Variants in GDPD4 observed in about 807,000 individuals in gnomAD.
GDPD4 encodes the protein glycerophosphodiester phosphodiesterase domain containing 4.
GDPD4 carries 60 observed loss-of-function variants against 67.8 expected under a neutral mutation model. The observed-to-expected ratio is 0.88, with a 90% confidence interval of 0.72 to 1.10. The LOEUF (loss-of-function observed/expected upper bound fraction) is 1.10. GDPD4 is among the 50% of genes least tolerant of loss of function. The pLI, the probability that GDPD4 is intolerant of heterozygous loss-of-function variation, is 0.00. For missense variants in GDPD4, 623 were observed against 613.9 expected, an observed-to-expected ratio of 1.01 and a Z score of -0.16; for synonymous variants, 212 against 210.9, an observed-to-expected ratio of 1.00 and a Z score of -0.04.
intron 16 of GDPD4, among the ~76,000 whole-genome samples, chr11:77,221,532 T>C (rs1958223946): frequency 6.6e-6 from 1 of 152,182 alleles, no homozygotes; most frequent in Non-Finnish European, 1.5e-5. Flanking sequence ...TTCCATGTAG[T>C]TGAGAGGTTT....
intron 13 of GDPD4, among the ~76,000 whole-genome samples, chr11:77,235,260 T>C (rs1359267705): frequency 2.0e-5 from 3 of 152,074 alleles, no homozygotes; most frequent in Non-Finnish European, 4.4e-5. Context: ...GTAGTAAAGA[T>C]GTCAGTTCTC....
intron 5 of GDPD4, among the ~76,000 whole-genome samples, chr11:77,274,683 G>T (rs1454658457): frequency 6.6e-6 from 1 of 152,106 alleles, no homozygotes. Flanking sequence ...CCAATCTCAG[G>T]TATTCCTTTA....
At chr11:77,240,250 A>G (rs569278982) in intron 13 of GDPD4, among the ~76,000 whole-genome samples, 37 of 152,330 alleles carry the variant, frequency 2.4e-4, no homozygotes, top group African/African-American at 7.9e-4. Context: ...CATTATAAAG[A>G]TGTGATAATC....
chr11:77,281,977 A>AT (rs1591574740), intron 3 of GDPD4, among the ~76,000 whole-genome samples: 3 of 152,302 alleles, frequency 2.0e-5, no homozygotes, highest in Non-Finnish European at 2.9e-5. Context: ...ATGAAGAGCA[A>AT]TAAAAAAAAG....
At chr11:77,219,777 T>C (rs577454984) in intron 16 of GDPD4, among the ~76,000 whole-genome samples, 5 of 152,346 alleles carry the variant, frequency 3.3e-5, no homozygotes, top group Admixed American at 6.5e-5. Context: ...TTTTGGTTAC[T>C]GTAGCCTTGT....
intron 5 of GDPD4, among the ~76,000 whole-genome samples, chr11:77,275,942 TGGGTTCAGCTC>T (rs1205359873): frequency 2.0e-5 from 3 of 152,196 alleles, no homozygotes; most frequent in African/African-American, 4.8e-5. Context: ...AATAAGAGTT[TGGGTTCAGCTC>T]GGGTTCAGCT....
At chr11:77,232,381 T>TATTGAAAAAAAAAAA (rs1958471342) in intron 14 of GDPD4, among the ~76,000 whole-genome samples, 1 of 152,206 alleles carries the variant, frequency 6.6e-6, no homozygotes, top group South Asian at 2.1e-4. Flanking sequence ...TCTGTACAGA[T>TATTGAAAAAAAAAAA]AAGAACAAGT....
chr11:77,231,411 A>G (rs1958451932), intron 14 of GDPD4, among the ~76,000 whole-genome samples: 1 of 152,170 alleles, frequency 6.6e-6, no homozygotes, highest in Non-Finnish European at 1.5e-5. Flanking sequence ...CTAAATCTCA[A>G]TCAGTCTAAC....
intron 13 of GDPD4, among the ~76,000 whole-genome samples, chr11:77,236,423 A>C (rs1591536084): frequency 1.3e-5 from 2 of 152,074 alleles, no homozygotes; most frequent in Admixed American, 1.3e-4. Context: ...TACTGGACCT[A>C]ACATTCCAAT....
At chr11:77,291,474 AG>A (rs1251602661) in intron 1 of GDPD4, among the ~76,000 whole-genome samples, 1 of 152,232 alleles carries the variant, frequency 6.6e-6, no homozygotes, top group Non-Finnish European at 1.5e-5. Context: ...GGGTGACTAC[AG>A]GTAACAATAT....
intron 13 of GDPD4, among the ~76,000 whole-genome samples, chr11:77,241,579 A>G (rs1591539547): frequency 7.0e-6 from 1 of 143,642 alleles, no homozygotes. Flanking sequence ...TAGAGGCTGC[A>G]GTGAGCCAAG....
At chr11:77,291,286 T>C (rs1937767931) in intron 1 of GDPD4, among the ~76,000 whole-genome samples, 1 of 152,180 alleles carries the variant, frequency 6.6e-6, no homozygotes, top group Admixed American at 6.5e-5. Context: ...ACAAATATTG[T>C]GTGTTCTCAC....
At chr11:77,280,630 T>C in intron 3 of GDPD4, among the ~76,000 whole-genome samples, 1 of 152,220 alleles carries the variant, frequency 6.6e-6, no homozygotes, top group Admixed American at 6.5e-5. Context: ...CCTAAAAGGT[T>C]TTCTTTTGGA....
At position 77,269,068 on chromosome 11, in the gene GDPD4, A is replaced by C. The variant is rs751686264; in HGVS notation, c.480T>G (p.Gly160=). The C allele has an allele frequency of 3.1e-6, 5 of 1,611,958 alleles. No homozygotes were observed. The African/African-American group carries it at 6.7e-5, about 22-fold the overall frequency. ...KQCNVITRLR[G]LQVPVGLPFL... is the part of the protein sequence containing the mutation. ...AGGGTAATCCAACAGGCACTTGTAG[A>C]CCTGAAAAATTTGAAAGGAAGGGGA... Residue 160 remains glycine (G), a splice_region_variant and synonymous_variant, in exon 9 of 17, where the codon GGT becomes GGG. Coordinates refer to ENST00000315938, the MANE Select transcript of GDPD4 (RefSeq NM_182833.3).
At chr11:77,265,155 A>G (rs1434262668) in intron 10 of GDPD4, among the ~76,000 whole-genome samples, 2 of 152,110 alleles carry the variant, frequency 1.3e-5, no homozygotes, top group Non-Finnish European at 2.9e-5. Flanking sequence ...TTGAGTTTCA[A>G]ATTTTTGTGG....
At chr11:77,225,699 G>T (rs1958317826) in intron 16 of GDPD4, among the ~76,000 whole-genome samples, 1 of 152,174 alleles carries the variant, frequency 6.6e-6, no homozygotes, top group Non-Finnish European at 1.5e-5. Context: ...TTAAATTGCT[G>T]AAAAATACCC....
chr11:77,245,223 C>A, intron 12 of GDPD4, 58 bp downstream of exon 12: 1 of 1,299,056 alleles, frequency 7.7e-7, no homozygotes, highest in Non-Finnish European at 1.1e-6. Flanking sequence ...AACTACTGTG[C>A]TCCTAGGACA....
chr11:77,286,487 A>G (rs1250506735), intron 2 of GDPD4, among the ~76,000 whole-genome samples: 2 of 152,202 alleles, frequency 1.3e-5, no homozygotes, highest in Admixed American at 6.5e-5. Flanking sequence ...TACTGCAGGG[A>G]AACCTCCCAT....
intron 14 of GDPD4, among the ~76,000 whole-genome samples, chr11:77,230,951 A>G (rs1332800705): frequency 1.3e-5 from 2 of 152,160 alleles, no homozygotes; most frequent in African/African-American, 4.8e-5. Flanking sequence ...ACCCATCTCC[A>G]CTAGGTGAAC....
Sources: allele counts gnomAD v4.1 joint callset (sites outside exome capture counted in the v4.1 genomes callset), GRCh38; gene constraint gnomAD v4.1.1; transcripts MANE v1.5; gene names NCBI Gene and HGNC (gene_info 2026-07-23, HGNC 2026-07-21).